Variants in ADAMTS2 observed in about 807,000 individuals in gnomAD.
ADAMTS2 encodes the protein ADAM metallopeptidase with thrombospondin type 1 motif 2, also known as A disintegrin and metalloproteinase with thrombospondin motifs 2.
A neutral mutation model predicts 123.0 loss-of-function variants in ADAMTS2; 50 were observed. The observed-to-expected ratio is 0.41, with a 90% CI of 0.32 to 0.51. ADAMTS2 has a LOEUF of 0.51. ADAMTS2 is among the 20% of genes least tolerant of loss of function. The pLI is 0.35. For synonymous variants in ADAMTS2, 678 were observed against 695.4 expected, an observed-to-expected ratio of 0.98 and a Z score of 0.39; for missense variants, 1,494 against 1,705.2, an observed-to-expected ratio of 0.88 and a Z score of 2.18.
rs1762611298 is a variant in ADAMTS2, at chr5:179,113,734, C to T, written c.*133G>A. ...TCATGCCTATCTTTCTTACGTCATT[C>T]CCCCTCTTTGTTTTCTCAAAACCTT... On this transcript the variant is annotated 3_prime_UTR_variant, in exon 22 of 22. Transcript: ENST00000251582. The T allele has an allele frequency of 1.1e-6, 1 of 903,696 alleles. No individual in the cohort carries two copies. Among genetic ancestry groups the T allele is most frequent in the African/African-American group, 1.7e-5 (1 of 60,206 alleles). 56.0% of individuals were successfully genotyped at this position (903,696 alleles called of 1,614,324 possible).
intron 3 of ADAMTS2, among the ~76,000 whole-genome samples, chr5:179,216,393 G>A (rs904414964): frequency 3.9e-5 from 6 of 152,190 alleles, no homozygotes; most frequent in African/African-American, 1.2e-4. Context: ...TGCTGAGGAC[G>A]CACAACATTC....
chr5:179,299,955 G>C (rs967455763), intron 2 of ADAMTS2, among the ~76,000 whole-genome samples: 2 of 152,014 alleles, frequency 1.3e-5, no homozygotes, highest in African/African-American at 4.8e-5. Flanking sequence ...TTAGCCAGGC[G>C]TGGTGGCAGG....
chr5:179,151,377 C>G (rs1383670887), intron 10 of ADAMTS2, among the ~76,000 whole-genome samples: 1 of 152,198 alleles, frequency 6.6e-6, no homozygotes, highest in Non-Finnish European at 1.5e-5. Flanking sequence ...GGCCCAGTCC[C>G]GAGCCAAAGA....
intron 3 of ADAMTS2, among the ~76,000 whole-genome samples, chr5:179,227,335 C>T (rs1206992870): frequency 6.6e-6 from 1 of 152,198 alleles, no homozygotes. Flanking sequence ...ACTCTCCCAG[C>T]AGCTCCCCCA....
chr5:179,116,265 C>T (rs1336832233), intron 21 of ADAMTS2, among the ~76,000 whole-genome samples: 1 of 122,454 alleles, frequency 8.2e-6, no homozygotes, highest in South Asian at 3.9e-4. Context: ...ACGGCACCCC[C>T]CCCCCACCCC....
chr5:179,328,544 T>C (rs1334448587), intron 2 of ADAMTS2, among the ~76,000 whole-genome samples: 1 of 152,254 alleles, frequency 6.6e-6, no homozygotes, highest in Non-Finnish European at 1.5e-5. Context: ...ATCAAGTGGT[T>C]CGTGGCAGCT....
chr5:179,171,456 A>T (rs1763812646), intron 5 of ADAMTS2, among the ~76,000 whole-genome samples: 1 of 152,198 alleles, frequency 6.6e-6, no homozygotes, highest in Non-Finnish European at 1.5e-5. Flanking sequence ...GCACTTTTGC[A>T]GTAGGTCCAA....
At chr5:179,311,683 G>A (rs1360872333) in intron 2 of ADAMTS2, among the ~76,000 whole-genome samples, 2 of 152,152 alleles carry the variant, frequency 1.3e-5, no homozygotes, top group African/African-American at 2.4e-5. Flanking sequence ...TCTTCAGCTA[G>A]AATCATGTTA....
intron 11 of ADAMTS2, 142 bp downstream of exon 11, chr5:179,139,748 A>T: frequency 1.6e-6 from 2 of 1,261,694 alleles, no homozygotes; most frequent in Non-Finnish European, 2.2e-6. Context: ...AGGTAGGGTG[A>T]GGCAGGCGGG....
chr5:179,138,288 G>A (rs2113219688), intron 11 of ADAMTS2, among the ~76,000 whole-genome samples: 1 of 152,308 alleles, frequency 6.6e-6, no homozygotes, highest in East Asian at 1.9e-4. Context: ...CTGTGATTGG[G>A]TGTTTAGGTT....
intron 2 of ADAMTS2, among the ~76,000 whole-genome samples, chr5:179,318,786 C>G (rs1268083428): frequency 6.6e-6 from 1 of 151,540 alleles, no homozygotes; most frequent in Non-Finnish European, 1.5e-5. Flanking sequence ...GCTGTTTGAG[C>G]GTTGAGACGT....
chr5:179,154,857 C>A lies in ADAMTS2; in HGVS notation c.1195G>T (p.Gly399Cys). The A allele has an allele frequency of 1.2e-6, 2 of 1,613,618 alleles. No homozygotes were observed. Among genetic ancestry groups the A allele is most frequent in the Non-Finnish European group, 1.7e-6 (2 of 1,179,896 alleles). The stretch of plus-strand genomic sequence containing the variant: ...GCCACCACAAACGCTGAGGAGAAGC[C>A]GTCCTCATGGTTCAGGGTGCAGCTG... ...VRSCTLNHED[G>C]FSSAFVVAHE... Residue 399 changes from glycine (G) to cysteine (C), a missense_variant, in exon 7 of 22, where the codon GGC becomes TGC. Transcript: ENST00000251582.
chr5:179,154,665 C>G, intron 7 of ADAMTS2, 149 bp downstream of exon 7: 1 of 683,056 alleles, frequency 1.5e-6, no homozygotes, highest in Non-Finnish European at 2.5e-6. Flanking sequence ...CGGGCCAGCA[C>G]TGCCCAGCGC....
chr5:179,169,347 A>G (rs367638595), intron 5 of ADAMTS2, among the ~76,000 whole-genome samples: 4 of 152,236 alleles, frequency 2.6e-5, no homozygotes, highest in East Asian at 1.9e-4. Context: ...CCCCCAGAAC[A>G]GTGAGTAACA....
chr5:179,206,750 G>A (rs1451733912), intron 4 of ADAMTS2, among the ~76,000 whole-genome samples: 1 of 152,204 alleles, frequency 6.6e-6, no homozygotes, highest in Non-Finnish European at 1.5e-5. Flanking sequence ...GAGAGGAAAG[G>A]TCTGCACAGC....
rs1766184460 is a variant in ADAMTS2 at position 179,260,348 on chromosome 5, A to G, written c.688+12563T>C. ...ACCAACCGTGTGCCAGGCATTCCTC[A>G]AAATGCTGCAAATTCCACTGTAAGC... is the stretch of plus-strand genomic sequence containing the variant. On this transcript the variant is annotated intron_variant, in intron 3 of 21. Coordinates refer to ENST00000251582, the MANE Select transcript of ADAMTS2 (RefSeq NM_014244.5). The surrounding 1 kb of genome is among the most constrained non-coding windows in gnomAD (Gnocchi z 4.2). 1.3e-5 allele frequency among the ~76,000 whole-genome samples: 2 copies of G among 152,198 alleles called. No homozygotes were observed. The highest frequency in any genetic ancestry group is 1.3e-4 in the Admixed American group (2 of 15,292).
Position 179,188,724 on chromosome 5 carries a change from A to G in ADAMTS2, c.892-7569T>C, listed in dbSNP as rs1764229697. ...ACACTCTGCCCAAGGCCACCCCCTCACTCCTCAGGCGACGTCTCCTGTGCC... is the reference window on the plus strand; with the variant it reads ...ACACTCTGCCCAAGGCCACCCCCTCGCTCCTCAGGCGACGTCTCCTGTGCC... On this transcript the variant is annotated intron_variant, in intron 4 of 21. Coordinates refer to ENST00000251582, the MANE Select transcript of ADAMTS2 (RefSeq NM_014244.5). The surrounding 1 kb of genome is among the most constrained non-coding windows in gnomAD (Gnocchi z 5.1). Among the ~76,000 whole-genome samples the G allele has an allele frequency of 6.6e-6, 1 of 151,644 alleles. No individual in the cohort carries two copies.
chr5:179,324,918 G>T (rs1757273083), intron 2 of ADAMTS2, among the ~76,000 whole-genome samples: 1 of 46,452 alleles, frequency 2.2e-5, no homozygotes, highest in Non-Finnish European at 4.8e-5. Flanking sequence ...AAGCCCAGAG[G>T]TCCTCAGGGA....
At chr5:179,199,249 G>A (rs749772595) in intron 4 of ADAMTS2, among the ~76,000 whole-genome samples, 16 of 152,176 alleles carry the variant, frequency 1.1e-4, no homozygotes, top group Non-Finnish European at 7.3e-5. Flanking sequence ...AAGGCTCCTG[G>A]GGCAATGCAG....
Sources: allele counts gnomAD v4.1 joint callset (sites outside exome capture counted in the v4.1 genomes callset), GRCh38; gene constraint gnomAD v4.1.1; non-coding constraint Gnocchi (gnomAD v3.1); transcripts MANE v1.5; gene names NCBI Gene and HGNC (gene_info 2026-07-23, HGNC 2026-07-21).